The following LY75 variants were observed in gnomAD, a reference collection of about 807,000 sequenced individuals.
LY75 encodes lymphocyte antigen 75.
Under a neutral mutation model 231.7 loss-of-function variants are expected in LY75, and 185 were observed. The ratio of observed to expected loss-of-function variants is 0.80; its 90% CI spans 0.71 to 0.90. The LOEUF is 0.90. Among genes scored for constraint, LY75 ranks in the 40% least tolerant of loss-of-function variants. The pLI, the probability that LY75 is intolerant of heterozygous loss-of-function variation, is 0.00. For synonymous variants in LY75, 668 were observed against 689.0 expected, an observed-to-expected ratio of 0.97 and a Z score of 0.48; for missense variants, 1,947 against 2,050.2, an observed-to-expected ratio of 0.95 and a Z score of 0.97.
chr2:159,873,558 A>G lies in LY75; in HGVS notation c.1975-965T>C, dbSNP rs1320704054. 3.3e-5 allele frequency among the ~76,000 whole-genome samples: 5 copies of G among 152,152 alleles called. No homozygotes were observed. The South Asian group carries it at 8.3e-4, about 25-fold the overall frequency. On this transcript the variant is annotated intron_variant, in intron 12 of 34. Transcript: ENST00000263636. Reference sequence around the variant, plus strand: ...GAGCAGAGGTCACCATTCAAGCCCAAACTAGATCAGTCAAACTCTAGCTGG... The same window carrying G: ...GAGCAGAGGTCACCATTCAAGCCCAGACTAGATCAGTCAAACTCTAGCTGG...
chr2:159,884,056 C>T (rs1346208780), intron 6 of LY75, among the ~76,000 whole-genome samples: 1 of 152,158 alleles, frequency 6.6e-6, no homozygotes, highest in Admixed American at 6.6e-5. Flanking sequence ...TCTCTCCCTG[C>T]TGTTCTCGTG....
intron 14 of LY75, 120 bp from the exon 15 acceptor site, chr2:159,861,009 T>C (rs1684685163): frequency 2.1e-6 from 2 of 971,680 alleles, no homozygotes; most frequent in Non-Finnish European, 1.6e-6. Flanking sequence ...AGAAAACTTT[T>C]CCATCTCTTT....
chr2:159,880,075 G>C (rs142367798), intron 8 of LY75, among the ~76,000 whole-genome samples: 175 of 152,236 alleles, frequency 1.1e-3, no homozygotes, highest in African/African-American at 4.0e-3. Context: ...CTTTTAAATA[G>C]AGCATCAAAT....
chr2:159,882,167 A>G lies in LY75; in HGVS notation c.1203T>C (p.Ser401=). ...AFSSDLISIH[S]LADVEVVVTK... ...TGACAACCACCTCCACATCTGCTAGAGAATGAATGCTGATTAGGTCACTAC... is the reference window on the plus strand; with the variant it reads ...TGACAACCACCTCCACATCTGCTAGGGAATGAATGCTGATTAGGTCACTAC... Residue 401 remains serine, a synonymous_variant, in exon 7 of 35, where the codon TCT becomes TCC. Transcript: ENST00000263636. 6.2e-7 allele frequency: 1 copy of G among 1,613,704 alleles called. No individual in the cohort carries two copies. Among genetic ancestry groups the G allele is most frequent in the Non-Finnish European group, 8.5e-7 (1 of 1,179,830 alleles).
chr2:159,811,774 G>A (rs982263814), intron 31 of LY75, among the ~76,000 whole-genome samples: 1 of 151,924 alleles, frequency 6.6e-6, no homozygotes, highest in Admixed American at 6.6e-5. Flanking sequence ...TTTGAACTTC[G>A]GTTATTTGAT....
rs778094864 is a variant in LY75 at position 159,885,140 on chromosome 2, G to A, written c.1054+13C>T. The A allele has an allele frequency of 1.9e-5, 30 of 1,610,972 alleles. No individual in the cohort carries two copies. The highest frequency in any genetic ancestry group is 1.8e-5 in the Non-Finnish European group (21 of 1,178,442). ...CCTATTTGTCTATTTGTATGAGTATGTGAGAAAGATACCTGTTAACTCCAC... is the reference window on the plus strand; with the variant it reads ...CCTATTTGTCTATTTGTATGAGTATATGAGAAAGATACCTGTTAACTCCAC... On this transcript the variant is annotated intron_variant, in intron 6 of 34. Coordinates refer to ENST00000263636, the MANE Select transcript of LY75 (RefSeq NM_002349.4).
chr2:159,890,750 G>C (rs1419465300), intron 3 of LY75, among the ~76,000 whole-genome samples: 1 of 152,140 alleles, frequency 6.6e-6, no homozygotes, highest in African/African-American at 2.4e-5. Context: ...AGATGACAGA[G>C]GGTTTGCCCA....
chr2:159,816,430 A>C (rs570311728), intron 30 of LY75, among the ~76,000 whole-genome samples: 1 of 152,358 alleles, frequency 6.6e-6, no homozygotes, highest in South Asian at 2.1e-4. Flanking sequence ...TGAGGAAATA[A>C]GGTTGCAAAG....
In LY75 at chr2:159,816,905, A is replaced by G. The variant is rs1338518387; in HGVS notation, c.4281T>C (p.Gly1427=). The change falls in exon 30 of 35, where the codon GGT becomes GGC. Residue 1427 remains glycine (G), a synonymous_variant. Transcript: ENST00000263636. The part of the protein sequence containing the change: ...EALNMCSQSG[G]HLASVHNQNG... The stretch of plus-strand genomic sequence containing the variant: ...TTTGGTTGTGAACGCTTGCCAAGTG[A>G]CCTCCACTTTGAGAACACATGTTTA... 6.2e-7 allele frequency: 1 copy of G among 1,614,080 alleles called. No homozygotes were observed. Among genetic ancestry groups the G allele is most frequent in the East Asian group, 2.2e-5 (1 of 44,864 alleles).
intron 28 of LY75, among the ~76,000 whole-genome samples, chr2:159,821,433 T>A (rs993146741): frequency 6.6e-6 from 1 of 151,760 alleles, no homozygotes; most frequent in East Asian, 1.9e-4. Context: ...CTGACCAACA[T>A]GGTAAAACCC....
chr2:159,811,101 C>T (rs1682946374), intron 31 of LY75, among the ~76,000 whole-genome samples: 1 of 152,062 alleles, frequency 6.6e-6, no homozygotes, highest in African/African-American at 2.4e-5. Context: ...TTTCAAACTC[C>T]TCACCTCAAG....
At chr2:159,824,882 AG>A (rs1389077786) in intron 28 of LY75, among the ~76,000 whole-genome samples, 1 of 152,220 alleles carries the variant, frequency 6.6e-6, no homozygotes, top group African/African-American at 2.4e-5. Flanking sequence ...AAATGAAGGC[AG>A]AAATAAAGAT....
In LY75 at chr2:159,852,083, T is replaced by C. The variant is rs1198894436; in HGVS notation, c.2883+118A>G. 5 of 1,401,250 alleles carry C rather than the reference T, an allele frequency of 3.6e-6. No homozygotes were observed. The East Asian group carries it at 9.9e-5, about 28-fold the overall frequency. 86.8% of individuals were successfully genotyped at this position (1,401,250 alleles called of 1,614,324 possible). ...CAACACAGAGGGCCAGGTGGGATCC[T>C]GAAACATGCAGAGTCTATTTCAGTG... On this transcript the variant is annotated intron_variant, in intron 21 of 34. Coordinates refer to ENST00000263636, the MANE Select transcript of LY75 (RefSeq NM_002349.4).
intron 33 of LY75, chr2:159,808,087 G>A: frequency 1.0e-6 from 1 of 984,998 alleles, no homozygotes; most frequent in Non-Finnish European, 1.2e-6. Flanking sequence ...GCAAATCCAT[G>A]CGGTGACAGG....
chr2:159,887,375 C>T (rs113415968), intron 4 of LY75, among the ~76,000 whole-genome samples: 15 of 151,010 alleles, frequency 9.9e-5, no homozygotes, highest in African/African-American at 2.7e-4. Context: ...CTGGCCAACA[C>T]GGTGAAACCC....
intron 21 of LY75, among the ~76,000 whole-genome samples, chr2:159,851,099 T>C (rs1336308454): frequency 6.6e-6 from 1 of 151,932 alleles, no homozygotes; most frequent in Non-Finnish European, 1.5e-5. Context: ...AGAAACACTG[T>C]TGAAAAATTC....
chr2:159,858,802 G>A (rs757586809), intron 15 of LY75, among the ~76,000 whole-genome samples: 4 of 152,284 alleles, frequency 2.6e-5, no homozygotes, highest in Admixed American at 1.3e-4. Context: ...ATCAGAAAGC[G>A]ACATAAAGGT....
chr2:159,870,305 G>T (rs541539807), intron 13 of LY75, among the ~76,000 whole-genome samples: 24 of 152,168 alleles, frequency 1.6e-4, no homozygotes, highest in Non-Finnish European at 2.9e-4. Flanking sequence ...ACAAACATTA[G>T]CTGGGTGTGG....
chr2:159,877,728 G>C (rs1685318633), intron 11 of LY75, among the ~76,000 whole-genome samples: 1 of 151,994 alleles, frequency 6.6e-6, no homozygotes, highest in Non-Finnish European at 1.5e-5. Context: ...AAGTAGCTGG[G>C]CATGTTGGCA....
Sources: gnomAD v4.1 joint callset for allele counts (sites outside exome capture counted in the v4.1 genomes callset) on GRCh38, gnomAD v4.1.1 for gene constraint, MANE v1.5 for transcripts, NCBI Gene and HGNC (gene_info 2026-07-23, HGNC 2026-07-21) for gene names.